The following RPA3 variants were observed in gnomAD, a reference collection of about 807,000 sequenced individuals.
RPA3 encodes the protein replication protein A 14 kDa subunit.
RPA3 carries 24 observed loss-of-function variants against 13.7 expected under a neutral mutation model. That is an observed-to-expected ratio of 1.75 (90% CI 1.27 to 2.46). RPA3 has a LOEUF of 2.46. RPA3 is among the 30% of genes most tolerant of loss of function. The pLI is 0.00. For synonymous variants in RPA3, 59 were observed against 51.2 expected (o/e 1.15, Z -0.65); for missense variants, 183 against 151.0 (o/e 1.21, Z -1.11).
chr7:7,696,274 A>T (rs1048024619), intron 2 of RPA3, among the ~76,000 whole-genome samples: 5 of 151,484 alleles, frequency 3.3e-5, no homozygotes, highest in Admixed American at 3.3e-4. Flanking sequence ...TCTTTTAGCC[A>T]AAGTTGGTAA....
chr7:7,689,464 A>C (rs1324992880), intron 2 of RPA3: 1 of 152,194 alleles, frequency 6.6e-6, no homozygotes, highest in Non-Finnish European at 1.5e-5. Context: ...TTTTTAGGTG[A>C]GATAATAAAT....
intron 4 of RPA3, among the ~76,000 whole-genome samples, chr7:7,671,341 T>G (rs1779600830): frequency 1.3e-5 from 2 of 152,180 alleles, no homozygotes; most frequent in Admixed American, 6.5e-5. Flanking sequence ...CCACAAGGCT[T>G]CAGTTGGAGA....
At chr7:7,670,713 A>G (rs1375904575) in intron 4 of RPA3, among the ~76,000 whole-genome samples, 1 of 152,202 alleles carries the variant, frequency 6.6e-6, no homozygotes, top group Non-Finnish European at 1.5e-5. Context: ...ATGAACTAAA[A>G]AGACAAGTAA....
chr7:7,676,892 T>C (rs1779754675), intron 4 of RPA3, among the ~76,000 whole-genome samples: 2 of 152,222 alleles, frequency 1.3e-5, no homozygotes, highest in African/African-American at 4.8e-5. Flanking sequence ...TCAGGTAAAC[T>C]CTTTTTTAAA....
At chr7:7,673,170 A>G in intron 4 of RPA3, 1 of 683,532 alleles carries the variant, frequency 1.5e-6, no homozygotes, top group South Asian at 1.6e-5. Context: ...ACATCTAGAG[A>G]AGGCTCATGG....
chr7:7,659,732 A>G (rs1026404196), intron 4 of RPA3, among the ~76,000 whole-genome samples: 1 of 152,144 alleles, frequency 6.6e-6, no homozygotes, highest in Non-Finnish European at 1.5e-5. Flanking sequence ...TATGTGGTCA[A>G]TTTTAGAATA....
At chr7:7,659,573 A>C (rs928580580) in intron 4 of RPA3, among the ~76,000 whole-genome samples, 2 of 152,186 alleles carry the variant, frequency 1.3e-5, no homozygotes, top group East Asian at 3.8e-4. Flanking sequence ...CCCAGTAGTC[A>C]TACAGGAGCA....
intron 2 of RPA3, among the ~76,000 whole-genome samples, chr7:7,707,852 A>G (rs1287097043): frequency 1.3e-5 from 2 of 152,152 alleles, no homozygotes; most frequent in Admixed American, 6.6e-5. Context: ...CTTTTAATGT[A>G]GTTATTTTGC....
intron 4 of RPA3, among the ~76,000 whole-genome samples, chr7:7,663,281 T>C (rs1427977897): frequency 9.7e-6 from 1 of 103,054 alleles, no homozygotes; most frequent in Non-Finnish European, 2.1e-5. Context: ...AAGATAGTTT[T>C]TTCTTTCTTT....
intron 2 of RPA3, among the ~76,000 whole-genome samples, chr7:7,695,851 T>G (rs531356650): frequency 6.6e-6 from 1 of 152,336 alleles, no homozygotes; most frequent in African/African-American, 2.4e-5. Flanking sequence ...TAAGCAGCAG[T>G]GTGCACACTA....
chr7:7,714,578 G>T (rs1260625119), intron 2 of RPA3, among the ~76,000 whole-genome samples: 12 of 152,298 alleles, frequency 7.9e-5, no homozygotes, highest in Non-Finnish European at 2.9e-5. Context: ...GGAATCAGTG[G>T]TAGATTGATT....
intron 1 of RPA3, among the ~76,000 whole-genome samples, chr7:7,715,769 G>T (rs1195428193): frequency 6.6e-6 from 1 of 152,202 alleles, no homozygotes; most frequent in Non-Finnish European, 1.5e-5. Context: ...ATGTAAGAAA[G>T]AGTTTTGAGT....
intron 4 of RPA3, among the ~76,000 whole-genome samples, chr7:7,681,321 G>C (rs1779907532): frequency 6.6e-6 from 1 of 152,114 alleles, no homozygotes; most frequent in South Asian, 2.1e-4. Context: ...AGATGGCATT[G>C]CAGAGTTGAT....
At chr7:7,646,652 T>A (rs924019351) in intron 4 of RPA3, among the ~76,000 whole-genome samples, 1 of 151,968 alleles carries the variant, frequency 6.6e-6, no homozygotes, top group African/African-American at 2.4e-5. Context: ...ATCAGCAGTA[T>A]GAAAATGAAC....
At chr7:7,638,123 TAACA>T (rs1310624562) in intron 6 of RPA3, 151 bp from the exon 7 acceptor site, 10 of 532,006 alleles carry the variant, frequency 1.9e-5, no homozygotes, top group African/African-American at 3.8e-5. Flanking sequence ...TGTAACTTGT[TAACA>T]AATGTTTGAG....
chr7:7,711,028 G>A (rs1382507773), intron 2 of RPA3, among the ~76,000 whole-genome samples: 1 of 152,164 alleles, frequency 6.6e-6, no homozygotes, highest in African/African-American at 2.4e-5. Flanking sequence ...GGTCGCCGGT[G>A]GGTAAGGATG....
At chr7:7,693,750 CCTT>C (rs1002695968) in intron 2 of RPA3, among the ~76,000 whole-genome samples, 113 of 151,766 alleles carry the variant, frequency 7.4e-4, no homozygotes, top group African/African-American at 2.6e-3. Flanking sequence ...AGTTTTATAT[CCTT>C]CTTTAAATAT....
intron 4 of RPA3, among the ~76,000 whole-genome samples, chr7:7,682,666 A>G (rs1197526186): frequency 2.0e-5 from 3 of 152,184 alleles, no homozygotes; most frequent in Non-Finnish European, 4.4e-5. Context: ...AAAAATGTAT[A>G]CCAGATCTTT....
chr7:7,667,429 G>A (rs188572850), intron 4 of RPA3, among the ~76,000 whole-genome samples: 6 of 152,230 alleles, frequency 3.9e-5, no homozygotes, highest in African/African-American at 9.6e-5. Flanking sequence ...CTAGGCTTGG[G>A]GCAGCAGGAT....
Sources: gnomAD v4.1 joint callset for allele counts (sites outside exome capture counted in the v4.1 genomes callset) on GRCh38, gnomAD v4.1.1 for gene constraint, MANE v1.5 for transcripts, NCBI Gene and HGNC (gene_info 2026-07-23, HGNC 2026-07-21) for gene names.